PTPRN2: variants seen among roughly 807,000 people sequenced by gnomAD.
PTPRN2 encodes the protein receptor-type tyrosine-protein phosphatase N2.
A neutral mutation model predicts 118.8 loss-of-function variants in PTPRN2; 74 were observed. The observed-to-expected ratio is 0.62, with a 90% CI of 0.52 to 0.76. The LOEUF is 0.76. PTPRN2 is among the 30% of genes least tolerant of loss of function. The pLI, the probability that PTPRN2 is intolerant of heterozygous loss-of-function variation, is 0.00. For missense variants in PTPRN2, 1,481 were observed against 1,394.4 expected (o/e 1.06, Z -0.99); for synonymous variants, 641 against 608.0 (o/e 1.05, Z -0.80).
intron 12 of PTPRN2, among the ~76,000 whole-genome samples, chr7:157,714,292 T>G (rs1473363229): frequency 6.6e-6 from 1 of 152,242 alleles, no homozygotes; most frequent in African/African-American, 2.4e-5. Context: ...TATAGTACAG[T>G]CCGTTAAACT....
chr7:158,375,814 G>A (rs965244257), intron 2 of PTPRN2, among the ~76,000 whole-genome samples: 2 of 152,140 alleles, frequency 1.3e-5, no homozygotes, highest in Non-Finnish European at 2.9e-5. Flanking sequence ...GGGACAGTCA[G>A]AAAGGAGATT....
intron 1 of PTPRN2, among the ~76,000 whole-genome samples, chr7:158,498,145 C>T (rs1017333229): frequency 6.6e-6 from 1 of 152,200 alleles, no homozygotes; most frequent in African/African-American, 2.4e-5. Context: ...AAGCTGGGGC[C>T]ACAATTCTAA....
intron 12 of PTPRN2, among the ~76,000 whole-genome samples, chr7:157,746,074 C>T (rs1800911826): frequency 6.7e-6 from 1 of 148,570 alleles, no homozygotes; most frequent in East Asian, 2.0e-4. Flanking sequence ...ACTCCCTACA[C>T]CCCACAGTCC....
chr7:158,348,825 T>C (rs1434965508), intron 2 of PTPRN2, among the ~76,000 whole-genome samples: 1 of 152,092 alleles, frequency 6.6e-6, no homozygotes, highest in East Asian at 1.9e-4. Context: ...ACAGATTCCA[T>C]CATTACCCTC....
At chr7:158,316,971 T>G in intron 2 of PTPRN2, 39 bp from the exon 3 acceptor site, 1 of 1,488,320 alleles carries the variant, frequency 6.7e-7, no homozygotes, top group Admixed American at 1.9e-5. Flanking sequence ...ACGAGACGTT[T>G]CATTTTCAGA....
At chr7:158,164,713 GT>G (rs1329626328) in intron 6 of PTPRN2, among the ~76,000 whole-genome samples, 1 of 152,186 alleles carries the variant, frequency 6.6e-6, no homozygotes, top group Non-Finnish European at 1.5e-5. Context: ...TTTTTAAGCT[GT>G]GGGAGATGGG....
intron 11 of PTPRN2, among the ~76,000 whole-genome samples, chr7:157,899,208 C>G (rs901847003): frequency 2.0e-5 from 3 of 152,292 alleles, no homozygotes; most frequent in Non-Finnish European, 2.9e-5. Flanking sequence ...TATTTTGCAG[C>G]CTCTTGTTCA....
At chr7:157,725,330 CCAGGAGAACTGGATATCT>C (rs1799493347) in intron 12 of PTPRN2, among the ~76,000 whole-genome samples, 11 of 96,506 alleles carry the variant, frequency 1.1e-4, no homozygotes, top group African/African-American at 4.1e-4. Context: ...CCCTCGCCTC[CCAGGAGAACTGGATATCT>C]ACACACAGAG....
intron 12 of PTPRN2, among the ~76,000 whole-genome samples, chr7:157,842,619 C>T (rs184442844): frequency 7.1e-4 from 108 of 151,960 alleles, no homozygotes; most frequent in South Asian, 2.5e-3. Context: ...TTCACCATGT[C>T]GGTCAGGCTG....
chr7:157,768,366 C>T (rs966208208), intron 12 of PTPRN2, among the ~76,000 whole-genome samples: 14 of 152,222 alleles, frequency 9.2e-5, no homozygotes, highest in Non-Finnish European at 2.1e-4. Context: ...AGCACACGGG[C>T]AGAACCGCAC....
chr7:157,958,640 A>G (rs1801333330), intron 11 of PTPRN2, among the ~76,000 whole-genome samples: 1 of 152,238 alleles, frequency 6.6e-6, no homozygotes, highest in East Asian at 1.9e-4. Flanking sequence ...AAGGACATTT[A>G]AAAAGCAATT....
At chr7:158,284,987 T>C (rs1283913575) in intron 3 of PTPRN2, among the ~76,000 whole-genome samples, 1 of 152,198 alleles carries the variant, frequency 6.6e-6, no homozygotes, top group Admixed American at 6.5e-5. Flanking sequence ...GACGTTATCC[T>C]CCACTGGGTA....
chr7:157,577,085 G>C (rs1325124803), intron 18 of PTPRN2, among the ~76,000 whole-genome samples: 1 of 152,170 alleles, frequency 6.6e-6, no homozygotes, highest in Non-Finnish European at 1.5e-5. Flanking sequence ...GCATGTCCAT[G>C]TTACATAAAC....
At position 157,671,599 on chromosome 7, in the gene PTPRN2, G is replaced by C. The variant is rs1331918443; in HGVS notation, c.2001+11126C>G. ...GGAGCCCAGCCCAGGGACACAAAAG[G>C]TATTCACATCCTTCCATTCGGTGGC... On this transcript the variant is annotated intron_variant, in intron 13 of 22. Coordinates refer to ENST00000389418, the MANE Select transcript of PTPRN2 (RefSeq NM_002847.5). The surrounding 1 kb of genome is among the most constrained non-coding windows in gnomAD (Gnocchi z 4.1). 6.6e-6 allele frequency among the ~76,000 whole-genome samples: 1 copy of C among 152,114 alleles called. No homozygotes were observed. The highest frequency in any genetic ancestry group is 1.5e-5 in the Non-Finnish European group (1 of 68,016).
intron 19 of PTPRN2, 136 bp downstream of exon 19, chr7:157,576,477 T>TCCCTTC: frequency 1.1e-6 from 1 of 912,722 alleles, no homozygotes; most frequent in Admixed American, 3.2e-5. Context: ...GCCTCTCGCT[T>TCCCTTC]CCCTTCCCCT....
chr7:158,279,106 C>A (rs1035146690), intron 3 of PTPRN2, among the ~76,000 whole-genome samples: 1 of 152,222 alleles, frequency 6.6e-6, no homozygotes, highest in Non-Finnish European at 1.5e-5. Flanking sequence ...GGGACCCAAC[C>A]GGTTTGCTGC....
At chr7:157,922,496 A>T (rs1169119163) in intron 11 of PTPRN2, among the ~76,000 whole-genome samples, 1 of 152,208 alleles carries the variant, frequency 6.6e-6, no homozygotes, top group African/African-American at 2.4e-5. Context: ...GCAGAATTGG[A>T]ATTGCATTGA....
chr7:158,329,593 G>A (rs1307361710), intron 2 of PTPRN2, among the ~76,000 whole-genome samples: 3 of 152,206 alleles, frequency 2.0e-5, no homozygotes, highest in African/African-American at 4.8e-5. Flanking sequence ...TGCCAGGGCG[G>A]TGACCTTGGC....
intron 2 of PTPRN2, among the ~76,000 whole-genome samples, chr7:158,484,794 G>C (rs533448877): frequency 1.3e-5 from 2 of 152,166 alleles, no homozygotes; most frequent in Non-Finnish European, 2.9e-5. Context: ...TCCACGGCCG[G>C]ACAGCACTCC....
Sources: allele counts gnomAD v4.1 joint callset (sites outside exome capture counted in the v4.1 genomes callset), GRCh38; gene constraint gnomAD v4.1.1; non-coding constraint Gnocchi (gnomAD v3.1); transcripts MANE v1.5; gene names NCBI Gene and HGNC (gene_info 2026-07-23, HGNC 2026-07-21).